The following NR2C2 variants were observed in gnomAD, a reference collection of about 807,000 sequenced individuals.
NR2C2 encodes nuclear receptor subfamily 2 group C member 2.
In NR2C2, 6 loss-of-function variants were observed where a neutral mutation model predicts 62.9. The observed-to-expected ratio is 0.10, with a 90% CI of 0.05 to 0.19. The LOEUF (loss-of-function observed/expected upper bound fraction) is 0.19. Ranked by LOEUF, NR2C2 falls within the 10% of genes least tolerant of loss-of-function variation. The probability of loss-of-function intolerance (pLI) is 1.00; values close to 1 mark genes in which losing one functional copy is unlikely to be tolerated. For synonymous variants in NR2C2, 272 were observed against 273.8 expected, an observed-to-expected ratio of 0.99 and a Z score of 0.07; for missense variants, 479 against 762.7, an observed-to-expected ratio of 0.63 and a Z score of 4.38.
At chr3:15,041,051 C>G (rs563073887) in intron 13 of NR2C2, among the ~76,000 whole-genome samples, 4 of 152,092 alleles carry the variant, frequency 2.6e-5, no homozygotes, top group Admixed American at 2.6e-4. Flanking sequence ...CAGTCAGGGA[C>G]CCAGGGTTGG....
chr3:14,957,343 C>T (rs976535508), intron 1 of NR2C2, among the ~76,000 whole-genome samples: 17 of 151,466 alleles, frequency 1.1e-4, no homozygotes, highest in Admixed American at 7.9e-4. Flanking sequence ...CAGAGCCCAG[C>T]TTTTCACTGC....
At chr3:14,957,905 T>G (rs2039573688) in intron 1 of NR2C2, among the ~76,000 whole-genome samples, 1 of 115,276 alleles carries the variant, frequency 8.7e-6, no homozygotes, top group Non-Finnish European at 1.8e-5. Flanking sequence ...TTCCCTGGTC[T>G]CTGTAATAAT....
intron 1 of NR2C2, among the ~76,000 whole-genome samples, chr3:15,002,477 A>T (rs6442492): frequency 0.43 from 64,929 of 151,438 alleles, 16,433 homozygotes; most frequent in African/African-American, 0.71. Context: ...GGTTTGCTAG[A>T]GTTTTGTAGA....
intron 1 of NR2C2, among the ~76,000 whole-genome samples, chr3:14,954,574 T>C (rs2039469461): frequency 6.6e-6 from 1 of 152,208 alleles, no homozygotes; most frequent in East Asian, 1.9e-4. Context: ...TTCTCATGGT[T>C]ATTACAAAAA....
intron 2 of NR2C2, among the ~76,000 whole-genome samples, chr3:15,005,600 A>G (rs2041151503): frequency 1.4e-5 from 2 of 147,898 alleles, no homozygotes; most frequent in Non-Finnish European, 3.0e-5. Flanking sequence ...ACAGGATCAT[A>G]GGGCACTACA....
At chr3:14,974,544 G>A (rs909140211) in intron 1 of NR2C2, among the ~76,000 whole-genome samples, 1 of 150,886 alleles carries the variant, frequency 6.6e-6, no homozygotes, top group East Asian at 1.9e-4. Flanking sequence ...ACTTATTTAT[G>A]TTGTCTTTAA....
At chr3:15,032,810 A>G (rs575764665) in intron 10 of NR2C2, among the ~76,000 whole-genome samples, 2 of 152,310 alleles carry the variant, frequency 1.3e-5, no homozygotes, top group South Asian at 4.1e-4. Flanking sequence ...AGTGTGACTC[A>G]ACAAACTGAA....
At chr3:14,960,771 C>T (rs910192372) in intron 1 of NR2C2, among the ~76,000 whole-genome samples, 2 of 152,098 alleles carry the variant, frequency 1.3e-5, no homozygotes, top group South Asian at 2.1e-4. Flanking sequence ...ATTGGCTATC[C>T]ATTTCTTTAA....
At chr3:14,963,956 T>A (rs2039763723) in intron 1 of NR2C2, among the ~76,000 whole-genome samples, 1 of 152,108 alleles carries the variant, frequency 6.6e-6, no homozygotes, top group Non-Finnish European at 1.5e-5. Flanking sequence ...TAATATTAAC[T>A]GAAAATGAAA....
chr3:15,048,688 C>G lies in NR2C2; in HGVS notation c.*5680C>G, dbSNP rs1414450739. On this transcript the variant is annotated 3_prime_UTR_variant, in exon 14 of 14. Transcript: ENST00000425241. ...TCAAATGCTGCTGCCACACACAACT[C>G]AAGTGCTGGAATATTTTTCTACAGT... The G allele has an allele frequency of 6.6e-6, 1 of 152,614 alleles. No individual in the cohort carries two copies. Among genetic ancestry groups the G allele is most frequent in the Non-Finnish European group, 1.5e-5 (1 of 68,032 alleles). 9.5% of individuals were successfully genotyped at this position (152,614 alleles called of 1,614,324 possible).
At position 15,047,197 on chromosome 3, in the gene NR2C2, T is replaced by C. The variant is rs188559726; in HGVS notation, c.*4189T>C. ...ATAAAGTTGCTAATGTAAACTGATA[T>C]GGGTGTTCCAAGGTCCCTCGGCAGG... On this transcript the variant is annotated 3_prime_UTR_variant, in exon 14 of 14. Coordinates refer to ENST00000425241, the MANE Select transcript of NR2C2 (RefSeq NM_001291694.2). 2.8e-3 allele frequency: 423 copies of C among 152,750 alleles called. 2 individuals carry two copies. Among genetic ancestry groups the C allele is most frequent in the Admixed American group, 8.0e-3 (122 of 15,294 alleles). 9.5% of individuals were successfully genotyped at this position (152,750 alleles called of 1,614,324 possible). A position where few individuals can be genotyped will look rare whatever the true frequency, so the allele number is the denominator to read the frequency against.
At chr3:15,030,729 G>A (rs576346801) in intron 9 of NR2C2, among the ~76,000 whole-genome samples, 23 of 152,304 alleles carry the variant, frequency 1.5e-4, no homozygotes, top group Non-Finnish European at 2.8e-4. Context: ...TCAGGAGGCT[G>A]AGGCATGAGA....
In NR2C2 at chr3:15,045,975, T is replaced by C. The variant is rs2042435216; in HGVS notation, c.*2967T>C. The C allele has an allele frequency of 6.8e-6, 1 of 147,678 alleles. No individual in the cohort carries two copies. The highest frequency in any genetic ancestry group is 2.1e-4 in the South Asian group (1 of 4,744). 9.1% of individuals were successfully genotyped at this position (147,678 alleles called of 1,614,324 possible). ...AATGTTGGGTTAAGACAGATAGATG[T>C]TGAAAATGGTGGAGATCATTACACA... On this transcript the variant is annotated 3_prime_UTR_variant, in exon 14 of 14. Transcript: ENST00000425241.
chr3:15,044,212 C>T lies in NR2C2; in HGVS notation c.*1204C>T, dbSNP rs1299267071. On this transcript the variant is annotated 3_prime_UTR_variant, in exon 14 of 14. Coordinates refer to ENST00000425241, the MANE Select transcript of NR2C2 (RefSeq NM_001291694.2). ...TGGATGGAAGGTTTCAGGACAATTT[C>T]TTCCTGTTGACCTTAAATACCAGAG... is the stretch of plus-strand genomic sequence containing the variant. 6.6e-6 allele frequency: 1 copy of T among 152,210 alleles called. No individual in the cohort carries two copies. Among genetic ancestry groups the T allele is most frequent in the Non-Finnish European group, 1.5e-5 (1 of 68,054 alleles). The allele number at this position is 152,210 out of a possible 1,614,324, so 9.4% of individuals were successfully genotyped here. A position where few individuals can be genotyped will look rare whatever the true frequency, so the allele number is the denominator to read the frequency against.
Position 15,031,370 on chromosome 3 carries a change from ATT to A in NR2C2, c.1110+931_1110+932del, listed in dbSNP as rs34302514. Among the ~76,000 whole-genome samples the A allele has an allele frequency of 5.2e-3, 757 of 145,658 alleles. 1 individual carries two copies. Among genetic ancestry groups the A allele is most frequent in the African/African-American group, 0.016 (656 of 39,922 alleles). The stretch of plus-strand genomic sequence containing the variant: ...TGCTGAGTCCTCCTTTTCCCCCAGT[ATT>A]TTTTTTTTTTTTAAACAAATACATA... On this transcript the variant is annotated intron_variant, in intron 9 of 13. Coordinates refer to ENST00000425241, the MANE Select transcript of NR2C2 (RefSeq NM_001291694.2).
chr3:14,997,381 C>G (rs913967136), intron 1 of NR2C2, among the ~76,000 whole-genome samples: 1 of 152,226 alleles, frequency 6.6e-6, no homozygotes, highest in African/African-American at 2.4e-5. Flanking sequence ...CAACACATAA[C>G]TGTATCTAAA....
intron 1 of NR2C2, among the ~76,000 whole-genome samples, chr3:14,990,745 T>G (rs1191895987): frequency 6.6e-6 from 1 of 152,222 alleles, no homozygotes; most frequent in East Asian, 1.9e-4. Flanking sequence ...TCTCTTTCCC[T>G]GTGTTTCTGG....
intron 2 of NR2C2, among the ~76,000 whole-genome samples, chr3:15,005,168 T>G (rs2041132006): frequency 1.3e-5 from 2 of 152,042 alleles, no homozygotes; most frequent in African/African-American, 2.4e-5. Flanking sequence ...TAGCATGGTA[T>G]AACTTTCTCT....
At chr3:14,987,829 A>G (rs1262376942) in intron 1 of NR2C2, among the ~76,000 whole-genome samples, 1 of 152,216 alleles carries the variant, frequency 6.6e-6, no homozygotes, top group African/African-American at 2.4e-5. Context: ...TCACGTGCAT[A>G]TCATCTGGTT....
Sources: allele counts gnomAD v4.1 joint callset (sites outside exome capture counted in the v4.1 genomes callset), GRCh38; gene constraint gnomAD v4.1.1; transcripts MANE v1.5; gene names NCBI Gene and HGNC (gene_info 2026-07-23, HGNC 2026-07-21).